PAX2: variants seen among roughly 807,000 people sequenced by gnomAD.
PAX2 encodes paired box 2.
A neutral mutation model predicts 41.7 loss-of-function variants in PAX2; 9 were observed. That is an observed-to-expected ratio of 0.22 (90% CI 0.13 to 0.38). The LOEUF is 0.38. PAX2 is among the 10% of genes least tolerant of loss of function. PAX2 has a pLI of 1.00. For synonymous variants in PAX2, 221 were observed against 212.7 expected, an observed-to-expected ratio of 1.04 and a Z score of -0.34; for missense variants, 418 against 531.6, an observed-to-expected ratio of 0.79 and a Z score of 2.10.
intron 4 of PAX2, 73 bp downstream of exon 4, chr10:100,779,656 G>A: frequency 1.7e-6 from 2 of 1,203,484 alleles, no homozygotes; most frequent in South Asian, 1.3e-5. Flanking sequence ...CTCCACCCCT[G>A]GGAACTGCCT....
intron 5 of PAX2, among the ~76,000 whole-genome samples, chr10:100,785,636 A>C (rs917069388): frequency 1.3e-5 from 2 of 152,146 alleles, no homozygotes; most frequent in African/African-American, 4.8e-5. Context: ...GGTCCCCAAG[A>C]GTGTTGCTCA....
intron 1 of PAX2, among the ~76,000 whole-genome samples, chr10:100,737,584 G>GGGAAAA (rs1176439441): frequency 6.6e-6 from 1 of 152,240 alleles, no homozygotes; most frequent in Admixed American, 6.5e-5. Context: ...GGCTGTGTTT[G>GGGAAAA]GGAAAAGGAA....
chr10:100,756,341 CAA>C (rs971870620), intron 3 of PAX2, among the ~76,000 whole-genome samples: 4 of 152,188 alleles, frequency 2.6e-5, no homozygotes, highest in African/African-American at 4.8e-5. Context: ...TCTTAATACT[CAA>C]GTCTATCTTC....
Position 100,754,293 on chromosome 10 carries a change from CAA to C in PAX2, c.410+3404_410+3405del, listed in dbSNP as rs577308989. On this transcript the variant is annotated intron_variant, in intron 3 of 9. Coordinates refer to ENST00000355243, the MANE Select transcript of PAX2 (RefSeq NM_000278.5). ...CCTTTGAAAGAACAGGCACAGACCC[CAA>C]ATAGAGTCTGGGGTTACTGACAATC... Among the ~76,000 whole-genome samples the C allele has an allele frequency of 1.8e-4, 27 of 152,338 alleles. No individual in the cohort carries two copies. The East Asian group carries it at 5.0e-3, about 28-fold the overall frequency.
intron 3 of PAX2, among the ~76,000 whole-genome samples, chr10:100,760,932 C>T (rs990736923): frequency 3.9e-5 from 6 of 152,266 alleles, no homozygotes; most frequent in East Asian, 3.9e-4. Flanking sequence ...GGCAGCCTGC[C>T]GACTGTGACT....
At chr10:100,807,565 G>A (rs1175914951) in intron 6 of PAX2, among the ~76,000 whole-genome samples, 1 of 152,180 alleles carries the variant, frequency 6.6e-6, no homozygotes, top group East Asian at 1.9e-4. Flanking sequence ...ACAGCCCACG[G>A]TACTCACAGC....
chr10:100,823,525 G>A (rs1014313544), intron 7 of PAX2, among the ~76,000 whole-genome samples: 7 of 152,134 alleles, frequency 4.6e-5, no homozygotes, highest in African/African-American at 9.7e-5. Flanking sequence ...GAAAGTGAAC[G>A]GGCCCAGGTA....
At chr10:100,769,213 G>A (rs941120465) in intron 3 of PAX2, among the ~76,000 whole-genome samples, 34 of 152,270 alleles carry the variant, frequency 2.2e-4, no homozygotes, top group African/African-American at 7.9e-4. Flanking sequence ...TGTAGATTAT[G>A]GACAATAATC....
intron 3 of PAX2, among the ~76,000 whole-genome samples, chr10:100,766,780 A>G (rs1846045371): frequency 6.6e-6 from 1 of 152,154 alleles, no homozygotes; most frequent in Non-Finnish European, 1.5e-5. Flanking sequence ...ACCCACAACC[A>G]CACCAAGAAG....
At chr10:100,806,312 T>C (rs1847778768) in intron 5 of PAX2, 118 bp from the exon 6 acceptor site, 1 of 1,027,170 alleles carries the variant, frequency 9.7e-7, no homozygotes. Flanking sequence ...GAGTAAGGGG[T>C]CCCATAGGGG....
intron 5 of PAX2, among the ~76,000 whole-genome samples, chr10:100,787,723 CA>C (rs1306399401): frequency 6.6e-6 from 1 of 151,972 alleles, no homozygotes; most frequent in Non-Finnish European, 1.5e-5. Context: ...ATTCCAAAGG[CA>C]CCCCCTCATG....
intron 7 of PAX2, among the ~76,000 whole-genome samples, chr10:100,812,643 A>G (rs1278467581): frequency 6.6e-6 from 1 of 152,196 alleles, no homozygotes; most frequent in African/African-American, 2.4e-5. Flanking sequence ...CCTGGAAGAA[A>G]AGATAGTCCC....
intron 3 of PAX2, among the ~76,000 whole-genome samples, chr10:100,760,553 G>A (rs1208669321): frequency 1.3e-5 from 2 of 152,226 alleles, no homozygotes; most frequent in Non-Finnish European, 2.9e-5. Flanking sequence ...GTGATGGCCA[G>A]GGTGGAGGGT....
intron 3 of PAX2, among the ~76,000 whole-genome samples, chr10:100,773,846 G>A (rs1017444201): frequency 6.6e-6 from 1 of 152,136 alleles, no homozygotes; most frequent in African/African-American, 2.4e-5. Flanking sequence ...TCAGCACTCT[G>A]CCACTATTGC....
chr10:100,748,933 G>A lies in PAX2; in HGVS notation c.44-813G>A. ...GTGGGCCCCAACCAGGCTCTGCGAG[G>A]CGCGGCAGGCAGGCGAGCCCAAGCA... On this transcript the variant is annotated intron_variant, in intron 1 of 9. Transcript: ENST00000355243. This position sits in a 1 kb window ranked among gnomAD's most constrained non-coding sequence, Gnocchi z 5.0. 1 of 985,354 alleles carries A rather than the reference G, an allele frequency of 1.0e-6. No homozygotes were observed. Among genetic ancestry groups the A allele is most frequent in the South Asian group, 4.7e-5 (1 of 21,284 alleles). The allele number at this position is 985,354 out of a possible 1,614,324, so 61.0% of individuals were successfully genotyped here.
At chr10:100,821,410 G>A (rs898979763) in intron 7 of PAX2, among the ~76,000 whole-genome samples, 3 of 152,192 alleles carry the variant, frequency 2.0e-5, no homozygotes, top group African/African-American at 4.8e-5. Flanking sequence ...TGCAGAACAC[G>A]AGGAAGCTTG....
At chr10:100,798,964 G>A (rs577717439) in intron 5 of PAX2, among the ~76,000 whole-genome samples, 3 of 152,264 alleles carry the variant, frequency 2.0e-5, no homozygotes, top group Non-Finnish European at 4.4e-5. Context: ...CAGCCCAGCC[G>A]ATAGAAGGTA....
chr10:100,827,012 GCGA>G lies in PAX2; in HGVS notation c.1026_1028del (p.Ser342_Glu343delinsArg). 1.2e-6 allele frequency: 2 copies of G among 1,612,728 alleles called. No individual in the cohort carries two copies. The highest frequency in any genetic ancestry group is 1.7e-6 in the Non-Finnish European group (2 of 1,178,802). ...CCACTCCCCGACCCTCCCGCAGGGA[GCGA>G]GTTCTCCGGCAACCCGTACAGCCAC... On this transcript the variant is annotated inframe_deletion, in exon 9 of 10. Transcript: ENST00000355243. This position sits in a 1 kb window ranked among gnomAD's most constrained non-coding sequence, Gnocchi z 8.5.
intron 3 of PAX2, among the ~76,000 whole-genome samples, chr10:100,753,237 G>C (rs1410684576): frequency 6.6e-6 from 1 of 152,160 alleles, no homozygotes; most frequent in East Asian, 1.9e-4. Flanking sequence ...TTTTGCTTTT[G>C]TCCAGAATCC....
Sources: allele counts gnomAD v4.1 joint callset (sites outside exome capture counted in the v4.1 genomes callset), GRCh38; gene constraint gnomAD v4.1.1; non-coding constraint Gnocchi (gnomAD v3.1); transcripts MANE v1.5; gene names NCBI Gene and HGNC (gene_info 2026-07-23, HGNC 2026-07-21).